FLNC: variants seen among roughly 807,000 people sequenced by gnomAD.
FLNC encodes filamin C.
FLNC carries 91 observed loss-of-function variants against 254.3 expected under a neutral mutation model. That is an observed-to-expected ratio of 0.36 (90% CI 0.30 to 0.43). FLNC has a LOEUF of 0.43. Ranked by LOEUF, FLNC falls within the 20% of genes least tolerant of loss-of-function variation. The probability of loss-of-function intolerance (pLI) is 1.00; values close to 1 mark genes in which losing one functional copy is unlikely to be tolerated. For missense variants in FLNC, 2,853 were observed against 3,802.6 expected (o/e 0.75, Z 6.57); for synonymous variants, 1,430 against 1,577.2 (o/e 0.91, Z 2.21).
In FLNC at chr7:128,835,303, C is replaced by G. The variant is rs374899573; in HGVS notation, c.353-23C>G. 2 of 1,612,380 alleles carry G rather than the reference C, an allele frequency of 1.2e-6. No individual in the cohort carries two copies. Among genetic ancestry groups the G allele is most frequent in the Admixed American group, 3.3e-5 (2 of 60,022 alleles). On this transcript the variant is annotated intron_variant, in intron 1 of 47. Transcript: ENST00000325888. This position sits in a 1 kb window ranked among gnomAD's most constrained non-coding sequence, Gnocchi z 5.3. ...GTGGAGGGTGGGGCGCCCCTGAGCC[C>G]GTCTGTGCCCTCCCCTCTGCAGACA...
Position 128,856,989 on chromosome 7 carries a change from T to G in FLNC, c.7561+68T>G. On this transcript the variant is annotated intron_variant, in intron 45 of 47. Coordinates refer to ENST00000325888, the MANE Select transcript of FLNC (RefSeq NM_001458.5). This position sits in a 1 kb window ranked among gnomAD's most constrained non-coding sequence, Gnocchi z 5.9. ...CTTGGCCACTAGTCTGGTGCTGCTTTGCTCCAGAGGTAGGGGCCCTGCTTC... is the reference window on the plus strand; with the variant it reads ...CTTGGCCACTAGTCTGGTGCTGCTTGGCTCCAGAGGTAGGGGCCCTGCTTC... 1 of 1,583,326 alleles carries G rather than the reference T, an allele frequency of 6.3e-7. No homozygotes were observed. The highest frequency in any genetic ancestry group is 1.1e-5 in the South Asian group (1 of 90,468).
chr7:128,858,113 C>A lies in FLNC; in HGVS notation c.7886C>A (p.Pro2629His). 1.2e-6 allele frequency: 2 copies of A among 1,613,568 alleles called. No homozygotes were observed. The highest frequency in any genetic ancestry group is 2.2e-5 in the South Asian group (2 of 91,076). ...CGGGGCTCCAGCTACAGCTCCATCC[C>A]CAAGTTCTCCTCAGATGCCAGCAAG... ...SSRGSSYSSI[P>H]KFSSDASKVV... Residue 2629 changes from proline (P) to histidine (H), a missense_variant, in exon 47 of 48, where the codon CCC becomes CAC. Physicochemically the swap from Pro to His is moderately conservative, Grantham distance 77. Transcript: ENST00000325888. This position sits in a 1 kb window ranked among gnomAD's most constrained non-coding sequence, Gnocchi z 6.7.
Position 128,856,590 on chromosome 7 carries a change from GCCCGGGTGCACACA to G in FLNC, c.7328_7341del (p.Arg2443LeufsTer11), listed in dbSNP as rs1563004965. 1 of 1,612,804 alleles carries G rather than the reference GCCCGGGTGCACACA, an allele frequency of 6.2e-7. No individual in the cohort carries two copies. Among genetic ancestry groups the G allele is most frequent in the Admixed American group, 1.7e-5 (1 of 60,030 alleles). On this transcript the variant is annotated frameshift_variant, in exon 44 of 48. Transcript: ENST00000325888. LOFTEE classifies it high-confidence loss of function. The surrounding 1 kb of genome is among the most constrained non-coding windows in gnomAD (Gnocchi z 5.9). The stretch of plus-strand genomic sequence containing the variant: ...GAACGGTGCCCGGGGCGTGATTGAT[GCCCGGGTGCACACA>G]CCCTCGGGGGCTGTGGAGGAGTGCT...
chr7:128,850,716 C>T, intron 32 of FLNC, 87 bp from the exon 33 acceptor site: 1 of 1,583,550 alleles, frequency 6.3e-7, no homozygotes, highest in East Asian at 2.3e-5. Context: ...CGGGTGGCAG[C>T]AGAAGCACTC....
In FLNC at chr7:128,854,888, G is replaced by A. The variant is rs552252122; in HGVS notation, c.7111G>A (p.Val2371Ile). 37 of 1,614,044 alleles carry A rather than the reference G, an allele frequency of 2.3e-5. No individual in the cohort carries two copies. The highest frequency in any genetic ancestry group is 1.2e-4 in the African/African-American group (9 of 75,040). The part of the protein sequence containing the change: ...FEDRKDGSCG[V>I]SYVVQEPGDY... ...GGATCGCAAAGATGGCTCCTGCGGCGTCTCCTATGTCGTCCAGGAACCAGG... is the reference window on the plus strand; with the variant it reads ...GGATCGCAAAGATGGCTCCTGCGGCATCTCCTATGTCGTCCAGGAACCAGG... The change falls in exon 42 of 48, where the codon GTC becomes ATC. Residue 2371 changes from valine (V) to isoleucine (I), a missense_variant. By Grantham distance (29) the Val-to-Ile change is conservative. Transcript: ENST00000325888.
At chr7:128,850,993 G>A (rs768601612) in intron 33 of FLNC, 50 bp downstream of exon 33, 11 of 1,593,990 alleles carry the variant, frequency 6.9e-6, no homozygotes, top group East Asian at 2.2e-5. Flanking sequence ...GGAGCAGGCC[G>A]TAGCTTCAGT....
At chr7:128,831,024 G>A (rs1167106923) in intron 1 of FLNC, 35 bp downstream of exon 1, 1 of 1,591,490 alleles carries the variant, frequency 6.3e-7, no homozygotes, top group Non-Finnish European at 8.5e-7. Context: ...GGCGCTGCGG[G>A]GATAGGGTCG....
In FLNC at chr7:128,846,064, A is replaced by ACGGCT; in HGVS notation, c.3868_3872dup (p.Val1292LeufsTer15). The ACGGCT allele has an allele frequency of 6.2e-7, 1 of 1,613,934 alleles. No individual in the cohort carries two copies. On this transcript the variant is annotated frameshift_variant, in exon 22 of 48. Coordinates refer to ENST00000325888, the MANE Select transcript of FLNC (RefSeq NM_001458.5). LOFTEE classifies it high-confidence loss of function. ...AACAGCCACAGGCGGCAACCACGTGACGGCTCGTGTGCTCAACCCCTCGGG... is the reference window on the plus strand; with the variant it reads ...AACAGCCACAGGCGGCAACCACGTGACGGCTCGGCTCGTGTGCTCAACCCCTCGGG...
chr7:128,852,583 C>T lies in FLNC; in HGVS notation c.5843-8C>T, dbSNP rs1417242412. On this transcript the variant is annotated splice_region_variant and splice_polypyrimidine_tract_variant and intron_variant, in intron 35 of 47. Coordinates refer to ENST00000325888, the MANE Select transcript of FLNC (RefSeq NM_001458.5). Reference sequence around the variant, plus strand: ...CATAGCAGCCTGATGCCCCAACTCCCCCACCAGGTGATGACTCCATGAGGA... The same window carrying T: ...CATAGCAGCCTGATGCCCCAACTCCTCCACCAGGTGATGACTCCATGAGGA... The T allele has an allele frequency of 6.2e-7, 1 of 1,613,242 alleles. No individual in the cohort carries two copies.
intron 43 of FLNC, 148 bp downstream of exon 43, chr7:128,855,462 C>G: frequency 1.5e-6 from 1 of 685,232 alleles, no homozygotes; most frequent in East Asian, 2.7e-5. Context: ...AGGCAGGGCC[C>G]TTGGGGACGG....
chr7:128,847,897 TG>T, intron 25 of FLNC, 33 bp downstream of exon 25: 1 of 1,613,306 alleles, frequency 6.2e-7, no homozygotes, highest in Non-Finnish European at 8.5e-7. Flanking sequence ...AGGAGGGAGG[TG>T]GGGCGGGACG....
Position 128,857,414 on chromosome 7 carries a change from T to C in FLNC, c.7780+78T>C, listed in dbSNP as rs200733677. 7,113 of 797,952 alleles carry C rather than the reference T, an allele frequency of 8.9e-3. No individual in the cohort carries two copies. Among genetic ancestry groups the C allele is most frequent in the African/African-American group, 0.025 (1,160 of 47,258 alleles). The allele number at this position is 797,952 out of a possible 1,614,324, so 49.4% of individuals were successfully genotyped here. A position where few individuals can be genotyped will look rare whatever the true frequency, so the allele number is the denominator to read the frequency against. On this transcript the variant is annotated intron_variant, in intron 46 of 47. Coordinates refer to ENST00000325888, the MANE Select transcript of FLNC (RefSeq NM_001458.5). This position sits in a 1 kb window ranked among gnomAD's most constrained non-coding sequence, Gnocchi z 4.5. ...GAGGGCTCCGGTGGCCACGCACATCTAGGCCATAGTCTGCCCCCAGACATC... is the reference window on the plus strand; with the variant it reads ...GAGGGCTCCGGTGGCCACGCACATCCAGGCCATAGTCTGCCCCCAGACATC...
At chr7:128,847,608 G>T (rs888628785) in intron 24 of FLNC, 89 bp from the exon 25 acceptor site, 4 of 1,498,296 alleles carry the variant, frequency 2.7e-6, no homozygotes, top group Admixed American at 1.7e-5. Context: ...CATTTCAAAG[G>T]CAGGGAAGGC....
Position 128,841,063 on chromosome 7 carries a change from G to A in FLNC, c.1813+93G>A, listed in dbSNP as rs1048283733. ...GGGTGCAGTGCGCATGCTGGGGAGC[G>A]CTGGGGTGAGCAGGGAGATAGGACA... On this transcript the variant is annotated intron_variant, in intron 11 of 47. Coordinates refer to ENST00000325888, the MANE Select transcript of FLNC (RefSeq NM_001458.5). This position sits in a 1 kb window ranked among gnomAD's most constrained non-coding sequence, Gnocchi z 4.3. 20 of 1,564,136 alleles carry A rather than the reference G, an allele frequency of 1.3e-5. No individual in the cohort carries two copies. The highest frequency in any genetic ancestry group is 4.1e-4 in the Middle Eastern group (2 of 4,922).
Position 128,846,126 on chromosome 7 carries a change from C to A in FLNC, c.3927C>A (p.Asp1309Glu). 1.9e-6 allele frequency: 3 copies of A among 1,613,952 alleles called. No individual in the cohort carries two copies. The highest frequency in any genetic ancestry group is 2.5e-6 in the Non-Finnish European group (3 of 1,179,978). The change falls in exon 22 of 48, where the codon GAC becomes GAA. Residue 1309 changes from aspartate to glutamate, a missense_variant. Asp to Glu is a conservative substitution (Grantham distance 45). Around this residue, in one of 10 missense-constraint regions of FLNC, gnomAD observed 1,573 missense variants for 1,883.5 expected, o/e 0.84. Coordinates refer to ENST00000325888, the MANE Select transcript of FLNC (RefSeq NM_001458.5). ...ACACCTATGTGACAGACAATGGGGA[C>A]GGCACCTACCGAGTGCAGTACACCG... ...KTDTYVTDNGDGTYRVQYTAY... is the reference protein window; with the variant it reads ...KTDTYVTDNGEGTYRVQYTAY...
chr7:128,848,782 T>C lies in FLNC; in HGVS notation c.4738-11T>C. ...GGCACAGGCGGGCCTTGACCTCTGC[T>C]TCTCCCTCAGGACCCCGAGGGTAAG... On this transcript the variant is annotated splice_polypyrimidine_tract_variant and intron_variant, in intron 27 of 47. Coordinates refer to ENST00000325888, the MANE Select transcript of FLNC (RefSeq NM_001458.5). 6.2e-7 allele frequency: 1 copy of C among 1,614,130 alleles called. No homozygotes were observed. Among genetic ancestry groups the C allele is most frequent in the African/African-American group, 1.3e-5 (1 of 75,024 alleles).
Position 128,844,146 on chromosome 7 carries a change from G to C in FLNC, c.3072G>C (p.Gln1024His). The part of the protein sequence containing the change: ...KLEPGGGAEA[Q>H]AVRYMPPEEG... Reference sequence around the variant, plus strand: ...AGCCAGGCGGTGGAGCGGAAGCCCAGGCTGTGCGCTACATGCCCCCGGAGG... The same window carrying C: ...AGCCAGGCGGTGGAGCGGAAGCCCACGCTGTGCGCTACATGCCCCCGGAGG... Residue 1024 changes from glutamine to histidine, a missense_variant, in exon 20 of 48, where the codon CAG (glutamine) becomes CAC (histidine). Transcript: ENST00000325888. 1 of 1,613,960 alleles carries C rather than the reference G, an allele frequency of 6.2e-7. No individual in the cohort carries two copies. The highest frequency in any genetic ancestry group is 1.3e-5 in the African/African-American group (1 of 75,074).
chr7:128,844,120 G>A lies in FLNC; in HGVS notation c.3046G>A (p.Glu1016Lys). The A allele has an allele frequency of 1.9e-6, 3 of 1,613,968 alleles. 1 individual carries two copies. Among genetic ancestry groups the A allele is most frequent in the Non-Finnish European group, 2.5e-6 (3 of 1,180,042 alleles). Residue 1016 changes from glutamate (E) to lysine (K), a missense_variant, in exon 20 of 48, where the codon GAG becomes AAG. Coordinates refer to ENST00000325888, the MANE Select transcript of FLNC (RefSeq NM_001458.5). ...TCGCCGGCCCATCCCCTGCAAGCTG[G>A]AGCCAGGCGGTGGAGCGGAAGCCCA... ...PSRRPIPCKL[E>K]PGGGAEAQAV...
At chr7:128,831,106 CG>C (rs1807873230) in intron 1 of FLNC, 117 bp downstream of exon 1, 1 of 930,266 alleles carries the variant, frequency 1.1e-6, no homozygotes, top group Non-Finnish European at 1.6e-6. Flanking sequence ...GGGCACCCCC[CG>C]GTATAGAGAG....
Sources: gnomAD v4.1 joint callset for allele counts on GRCh38, gnomAD v4.1.1 for gene constraint, gnomAD v4.1.1 regional missense constraint, Gnocchi (gnomAD v3.1) non-coding constraint, MANE v1.5 for transcripts, NCBI Gene and HGNC (gene_info 2026-07-23, HGNC 2026-07-21) for gene names.